DNAH14: variants seen among roughly 807,000 people sequenced by gnomAD.
DNAH14 encodes the protein axonemal beta dynein heavy chain 14.
DNAH14 carries 478 observed loss-of-function variants against 520.9 expected under a neutral mutation model. That is an observed-to-expected ratio of 0.92 (90% CI 0.85 to 0.99). The LOEUF (loss-of-function observed/expected upper bound fraction) is 0.99, where lower values mean the gene tolerates loss of function less well. Ranked by LOEUF, DNAH14 falls within the 50% of genes least tolerant of loss-of-function variation. The pLI, the probability that DNAH14 is intolerant of heterozygous loss-of-function variation, is 0.00. For missense variants in DNAH14, 4,831 were observed against 5,234.5 expected, an observed-to-expected ratio of 0.92 and a Z score of 2.38; for synonymous variants, 1,581 against 1,757.2, an observed-to-expected ratio of 0.90 and a Z score of 2.51.
At chr1:225,007,274 C>T in intron 9 of DNAH14, 139 bp from the exon 10 acceptor site, 2 of 516,128 alleles carry the variant, frequency 3.9e-6, no homozygotes, top group Non-Finnish European at 5.7e-6. Flanking sequence ...ATTTGAAAAA[C>T]ATGTAAGTCA....
chr1:225,011,445 A>G (rs891223041), intron 10 of DNAH14, among the ~76,000 whole-genome samples: 6 of 150,060 alleles, frequency 4.0e-5, no homozygotes, highest in Non-Finnish European at 8.9e-5. Flanking sequence ...GTAGATGTCT[A>G]TTAGGTTTGC....
chr1:225,276,002 A>G lies in DNAH14; in HGVS notation c.8099A>G (p.Tyr2700Cys), dbSNP rs768098967. Residue 2700 changes from tyrosine (Y) to cysteine (C), a missense_variant, in exon 53 of 86, where the codon TAT (tyrosine) becomes TGT (cysteine). By Grantham distance (194) the Tyr-to-Cys change is radical. Transcript: ENST00000682510. ...DINKTHRKKI[Y>C]QNTSDYNKLA... ...AACAAGACTCATAGAAAAAAGATTT[A>G]TCAGAATACCAGTGACTATAATAAA... is the stretch of plus-strand genomic sequence containing the variant. 3 of 417,586 alleles carry G rather than the reference A, an allele frequency of 7.2e-6. No individual in the cohort carries two copies. The highest frequency in any genetic ancestry group is 7.7e-5 in the East Asian group (1 of 12,978). The allele number at this position is 417,586 out of a possible 1,614,324, so 25.9% of individuals were successfully genotyped here. A position where few individuals can be genotyped will look rare whatever the true frequency, so the allele number is the denominator to read the frequency against.
At chr1:225,023,360 C>T (rs1174508046) in intron 10 of DNAH14, among the ~76,000 whole-genome samples, 1 of 149,236 alleles carries the variant, frequency 6.7e-6, no homozygotes, top group Non-Finnish European at 1.5e-5. Context: ...TTAGTCTCCT[C>T]TGTCTTTTTT....
chr1:225,340,946 T>A (rs12753933), intron 69 of DNAH14, among the ~76,000 whole-genome samples: 17,135 of 152,132 alleles, frequency 0.11, 1,150 homozygotes, highest in East Asian at 0.26. Context: ...TGGTATAAGT[T>A]CTAAGACAAA....
At chr1:225,184,209 G>T (rs1356783147) in intron 36 of DNAH14, among the ~76,000 whole-genome samples, 6 of 152,132 alleles carry the variant, frequency 3.9e-5, no homozygotes, top group Non-Finnish European at 2.9e-5. Flanking sequence ...ACTAAATCCA[G>T]CAGGACATCA....
intron 72 of DNAH14, 146 bp downstream of exon 72, chr1:225,352,029 C>T (rs2095371973): frequency 1.6e-6 from 1 of 634,698 alleles, no homozygotes; most frequent in East Asian, 2.8e-5. Flanking sequence ...ACATGTTATT[C>T]ATTATAATCC....
At chr1:225,307,739 G>T (rs34392117) in intron 59 of DNAH14, among the ~76,000 whole-genome samples, 170 bp downstream of exon 59, 17,232 of 152,064 alleles carry the variant, frequency 0.11, 1,178 homozygotes, top group East Asian at 0.26. Context: ...TAGTTTATCT[G>T]TAAAATGAGA....
At chr1:225,085,422 C>A in intron 20 of DNAH14, 122 bp from the exon 21 acceptor site, 1 of 894,412 alleles carries the variant, frequency 1.1e-6, no homozygotes, top group Non-Finnish European at 1.7e-6. Flanking sequence ...ATAAACCTAA[C>A]TGGAATTAGA....
At chr1:225,047,252 C>T (rs186311812) in intron 15 of DNAH14, among the ~76,000 whole-genome samples, 4 of 152,230 alleles carry the variant, frequency 2.6e-5, no homozygotes, top group Admixed American at 2.0e-4. Flanking sequence ...TCATTCTAGC[C>T]TTTTCTTTTC....
intron 10 of DNAH14, among the ~76,000 whole-genome samples, chr1:225,021,412 G>T (rs1028092294): frequency 6.6e-6 from 1 of 152,100 alleles, no homozygotes; most frequent in Non-Finnish European, 1.5e-5. Context: ...CTGTCCAAAA[G>T]CTCCTACATC....
chr1:225,066,539 T>A (rs1450543420), intron 17 of DNAH14, among the ~76,000 whole-genome samples: 1 of 152,046 alleles, frequency 6.6e-6, no homozygotes, highest in Admixed American at 6.6e-5. Flanking sequence ...TACAAGTGGT[T>A]ATTGGTTACA....
At chr1:225,350,764 A>G (rs571789884) in intron 71 of DNAH14, among the ~76,000 whole-genome samples, 2 of 152,136 alleles carry the variant, frequency 1.3e-5, no homozygotes, top group East Asian at 3.9e-4. Context: ...CTGCCAAAAA[A>G]AAAAGAAAAT....
At chr1:225,359,760 A>G (rs2095472283) in intron 74 of DNAH14, among the ~76,000 whole-genome samples, 1 of 152,234 alleles carries the variant, frequency 6.6e-6, no homozygotes, top group Non-Finnish European at 1.5e-5. Flanking sequence ...GTTCCAAACA[A>G]CAGAATGGAA....
chr1:225,164,875 A>G (rs1321219602), intron 35 of DNAH14, among the ~76,000 whole-genome samples: 2 of 151,944 alleles, frequency 1.3e-5, no homozygotes, highest in Admixed American at 1.3e-4. Flanking sequence ...TTTTCCTTGG[A>G]CTTCTGCACA....
At chr1:225,169,552 TGAGAA>T (rs1029854259) in intron 36 of DNAH14, among the ~76,000 whole-genome samples, 30 of 150,914 alleles carry the variant, frequency 2.0e-4, no homozygotes, top group African/African-American at 6.5e-4. Context: ...ATAAATGAAG[TGAGAA>T]GAGAAGTTTA....
intron 17 of DNAH14, among the ~76,000 whole-genome samples, chr1:225,053,359 C>T (rs1456936605): frequency 6.6e-6 from 1 of 152,086 alleles, no homozygotes; most frequent in African/African-American, 2.4e-5. Flanking sequence ...AAGGCACTGG[C>T]AAGAGGTGAA....
intron 35 of DNAH14, among the ~76,000 whole-genome samples, chr1:225,161,499 G>A (rs1486434530): frequency 3.9e-5 from 6 of 152,170 alleles, no homozygotes; most frequent in Non-Finnish European, 5.9e-5. Context: ...TTCGATATCT[G>A]ATTTTCTTTC....
intron 36 of DNAH14, among the ~76,000 whole-genome samples, chr1:225,173,159 G>C (rs914058400): frequency 6.6e-6 from 1 of 152,136 alleles, no homozygotes; most frequent in Admixed American, 6.5e-5. Context: ...AAAAACCCTA[G>C]AAGAAAACCT....
intron 1 of DNAH14, among the ~76,000 whole-genome samples, chr1:224,945,240 A>G (rs2059718525): frequency 1.3e-5 from 2 of 151,390 alleles, no homozygotes; most frequent in South Asian, 2.1e-4. Context: ...CATTTCATTC[A>G]TTTGATCTTC....
Sources: gnomAD v4.1 joint callset for allele counts (sites outside exome capture counted in the v4.1 genomes callset) on GRCh38, gnomAD v4.1.1 for gene constraint, MANE v1.5 for transcripts, NCBI Gene and HGNC (gene_info 2026-07-23, HGNC 2026-07-21) for gene names.